Variants in POGK observed in about 807,000 individuals in gnomAD.
The protein encoded by POGK is pogo transposable element with KRAB domain.
Under a neutral mutation model 54.4 loss-of-function variants are expected in POGK, and 16 were observed. The observed-to-expected ratio is 0.29, with a 90% confidence interval of 0.20 to 0.45. POGK has a LOEUF of 0.45. POGK is among the 20% of genes least tolerant of loss of function. The pLI is 1.00. For synonymous variants in POGK, 271 were observed against 302.2 expected (o/e 0.90, Z 1.07); for missense variants, 515 against 795.6 (o/e 0.65, Z 4.24).
At chr1:166,842,659 T>C (rs143144791) in intron 2 of POGK, among the ~76,000 whole-genome samples, 68 of 152,242 alleles carry the variant, frequency 4.5e-4, no homozygotes, top group African/African-American at 1.5e-3. Context: ...CCCTGGACAT[T>C]TGGCAACATC....
Position 166,850,482 on chromosome 1 carries a change from A to G in POGK, c.*14+59A>G, listed in dbSNP as rs1658018328. On this transcript the variant is annotated intron_variant, in intron 5 of 5. Coordinates refer to ENST00000367876, the MANE Select transcript of POGK (RefSeq NM_017542.5). Reference sequence around the variant, plus strand: ...GCTGACATGTCTGTGTTCTACAAACACCTTCTCTCCATTATTTTTCTGTTT... The same window carrying G: ...GCTGACATGTCTGTGTTCTACAAACGCCTTCTCTCCATTATTTTTCTGTTT... The G allele has an allele frequency of 1.7e-5, 25 of 1,494,896 alleles. 1 individual carries two copies. The South Asian group carries it at 3.2e-4, about 19-fold the overall frequency. 92.6% of individuals were successfully genotyped at this position (1,494,896 alleles called of 1,614,324 possible).
Position 166,839,591 on chromosome 1 carries a change from C to T in POGK, c.-16C>T, listed in dbSNP as rs1318020134. 2.0e-5 allele frequency: 3 copies of T among 148,572 alleles called. No homozygotes were observed. Among genetic ancestry groups the T allele is most frequent in the Non-Finnish European group, 4.5e-5 (3 of 66,770 alleles). 9.2% of individuals were successfully genotyped at this position (148,572 alleles called of 1,614,324 possible). On this transcript the variant is annotated 5_prime_UTR_variant, in exon 1 of 6. Coordinates refer to ENST00000367876, the MANE Select transcript of POGK (RefSeq NM_017542.5). ...TCGCGTCCCCACCCCGCGCCCTGGC[C>T]GCTGGGCCCGGCGGTGAGTGCGCGC...
chr1:166,847,287 T>C (rs747716432), intron 3 of POGK, among the ~76,000 whole-genome samples: 1 of 149,130 alleles, frequency 6.7e-6, no homozygotes, highest in Non-Finnish European at 1.5e-5. Flanking sequence ...TTGGTGCCAA[T>C]ACCATCCCTC....
In POGK at chr1:166,850,559, C is replaced by T. The variant is rs537226684; in HGVS notation, c.*14+136C>T. ...AGTAGTGTAGATCAGGGGTCCCCAACCCCCAGGTCACGGACCATACTGGTC... is the reference window on the plus strand; with the variant it reads ...AGTAGTGTAGATCAGGGGTCCCCAATCCCCAGGTCACGGACCATACTGGTC... On this transcript the variant is annotated intron_variant, in intron 5 of 5. Transcript: ENST00000367876. The T allele has an allele frequency of 1.0e-4, 98 of 947,496 alleles. No individual in the cohort carries two copies. The African/African-American group carries it at 1.5e-3, about 15-fold the overall frequency. 58.7% of individuals were successfully genotyped at this position (947,496 alleles called of 1,614,324 possible).
At position 166,853,837 on chromosome 1, in the gene POGK, A is replaced by AT. The variant is rs1189534670; in HGVS notation, c.*1269dup. 1 of 152,166 alleles carries AT rather than the reference A, an allele frequency of 6.6e-6. No homozygotes were observed. Among genetic ancestry groups the AT allele is most frequent in the African/African-American group, 2.4e-5 (1 of 41,394 alleles). The allele number at this position is 152,166 out of a possible 1,614,324, so 9.4% of individuals were successfully genotyped here. On this transcript the variant is annotated 3_prime_UTR_variant, in exon 6 of 6. Coordinates refer to ENST00000367876, the MANE Select transcript of POGK (RefSeq NM_017542.5). ...TCAGGTACTCATTGTCCTGTTACTG[A>AT]TTCACCTTTCTGATCCTTTTCAACC...
intron 2 of POGK, among the ~76,000 whole-genome samples, chr1:166,844,315 G>A (rs1657744080): frequency 6.6e-6 from 1 of 152,038 alleles, no homozygotes; most frequent in South Asian, 2.1e-4. Context: ...CATTTTATCA[G>A]CAAAGGGAAA....
rs1480950619 is a variant in POGK, at chr1:166,856,237, C to A, written c.*3667C>A. On this transcript the variant is annotated 3_prime_UTR_variant, in exon 6 of 6. Coordinates refer to ENST00000367876, the MANE Select transcript of POGK (RefSeq NM_017542.5). Reference sequence around the variant, plus strand: ...GTAGTCCCAGCTACTTAGGAGGTTGCGATGGGAGAATCACCTGAGCCCAGA... The same window carrying A: ...GTAGTCCCAGCTACTTAGGAGGTTGAGATGGGAGAATCACCTGAGCCCAGA... 6.6e-6 allele frequency: 1 copy of A among 151,062 alleles called. No individual in the cohort carries two copies. The highest frequency in any genetic ancestry group is 1.5e-5 in the Non-Finnish European group (1 of 67,912). 9.4% of individuals were successfully genotyped at this position (151,062 alleles called of 1,614,324 possible).
chr1:166,844,508 A>C (rs1657754434), intron 2 of POGK, among the ~76,000 whole-genome samples: 1 of 152,184 alleles, frequency 6.6e-6, no homozygotes, highest in Admixed American at 6.5e-5. Flanking sequence ...TTACCTCCTC[A>C]TATTTCACAC....
chr1:166,850,645 C>A, intron 5 of POGK: 1 of 484,280 alleles, frequency 2.1e-6, no homozygotes, highest in Non-Finnish European at 3.6e-6. Flanking sequence ...GCAAGCATTA[C>A]CACCTGAGCT....
At chr1:166,842,142 A>G (rs1657543219) in intron 2 of POGK, among the ~76,000 whole-genome samples, 1 of 152,302 alleles carries the variant, frequency 6.6e-6, no homozygotes, top group African/African-American at 2.4e-5. Flanking sequence ...CGTCAGGTCT[A>G]TTTAGCCTGG....
At chr1:166,841,981 A>G (rs1255349431) in intron 2 of POGK, among the ~76,000 whole-genome samples, 2 of 151,982 alleles carry the variant, frequency 1.3e-5, no homozygotes, top group African/African-American at 4.8e-5. Flanking sequence ...GCATTTTACC[A>G]TATGTATGCT....
At chr1:166,840,197 G>T (rs186755565) in intron 1 of POGK, 1 of 152,288 alleles carries the variant, frequency 6.6e-6, no homozygotes, top group African/African-American at 2.4e-5. Context: ...AATTGCCCGC[G>T]CCCATAGAGG....
rs769610784 is a variant in POGK at position 166,849,314 on chromosome 1, C to T, written c.735C>T (p.His245=). ...RKVKPQLQNA[H]AMRRAFRGPK... is the part of the protein sequence containing the mutation. ...TGAAGCCACAGCTTCAAAACGCCCACGCCATGCGGCGGGCATTCCGAGGCC... is the reference window on the plus strand; with the variant it reads ...TGAAGCCACAGCTTCAAAACGCCCATGCCATGCGGCGGGCATTCCGAGGCC... The change falls in exon 5 of 6, where the codon CAC becomes CAT. Residue 245 remains histidine, a synonymous_variant. Transcript: ENST00000367876. 4.2e-5 allele frequency: 68 copies of T among 1,614,064 alleles called. No individual in the cohort carries two copies. The highest frequency in any genetic ancestry group is 1.6e-4 in the Middle Eastern group (1 of 6,084).
At chr1:166,851,080 C>T (rs900635907) in intron 5 of POGK, 10 of 152,168 alleles carry the variant, frequency 6.6e-5, no homozygotes, top group Admixed American at 2.6e-4. Flanking sequence ...CATAGTCTGA[C>T]GTTGTTCAGT....
chr1:166,850,996 G>A (rs962219263), intron 5 of POGK: 1 of 152,090 alleles, frequency 6.6e-6, no homozygotes, highest in African/African-American at 2.4e-5. Flanking sequence ...TTGTATAATA[G>A]GTGAAATGAA....
chr1:166,842,669 C>G (rs1657561870), intron 2 of POGK, among the ~76,000 whole-genome samples: 1 of 152,116 alleles, frequency 6.6e-6, no homozygotes, highest in South Asian at 2.1e-4. Flanking sequence ...TTGGCAACAT[C>G]TAGAAACACT....
chr1:166,847,538 G>A lies in POGK; in HGVS notation c.304G>A (p.Glu102Lys), dbSNP rs763783292. 6.2e-7 allele frequency: 1 copy of A among 1,613,958 alleles called. No individual in the cohort carries two copies. The highest frequency in any genetic ancestry group is 1.1e-5 in the South Asian group (1 of 91,062). ...KPDMITRLEG[E>K]EESQNSDEWQ... is the part of the protein sequence containing the mutation. Reference sequence around the variant, plus strand: ...AGACATGATCACCCGTTTGGAAGGGGAGGAGGAGTCTCAGAATTCTGACGA... The same window carrying A: ...AGACATGATCACCCGTTTGGAAGGGAAGGAGGAGTCTCAGAATTCTGACGA... Residue 102 changes from glutamate to lysine, a missense_variant, in exon 4 of 6, where the codon GAG (glutamate) becomes AAG (lysine). Around this residue, in one of 2 missense-constraint regions of POGK, gnomAD observed 461 missense variants for 743.5 expected, o/e 0.62. Transcript: ENST00000367876.
At chr1:166,846,804 T>C in intron 3 of POGK, 66 bp downstream of exon 3, 1 of 1,584,884 alleles carries the variant, frequency 6.3e-7, no homozygotes, top group Non-Finnish European at 8.7e-7. Context: ...CATGCCTCTC[T>C]TCTCTGGTAT....
intron 5 of POGK, chr1:166,851,980 A>G (rs1658082953): frequency 6.6e-6 from 1 of 152,164 alleles, no homozygotes; most frequent in African/African-American, 2.4e-5. Context: ...TTGTACTCAT[A>G]TTGCTGAATC....
Sources: allele counts gnomAD v4.1 joint callset (sites outside exome capture counted in the v4.1 genomes callset), GRCh38; gene constraint gnomAD v4.1.1; regional missense constraint gnomAD v4.1.1; transcripts MANE v1.5; gene names NCBI Gene and HGNC (gene_info 2026-07-23, HGNC 2026-07-21).